Variants in EGFR observed in about 807,000 individuals in gnomAD.
EGFR encodes avian erythroblastic leukemia viral (v-erb-b) oncogene homolog.
A neutral mutation model predicts 143.0 loss-of-function variants in EGFR; 58 were observed. That is an observed-to-expected ratio of 0.41 (90% confidence interval 0.33 to 0.50). EGFR has a LOEUF of 0.50. Among genes scored for constraint, EGFR ranks in the 20% least tolerant of loss-of-function variants. EGFR has a pLI of 0.39. For synonymous variants in EGFR, 613 were observed against 594.4 expected (o/e 1.03, Z -0.45); for missense variants, 1,307 against 1,579.0 (o/e 0.83, Z 2.92).
At chr7:55,030,084 G>A (rs149935803) in intron 1 of EGFR, among the ~76,000 whole-genome samples, 66 of 152,282 alleles carry the variant, frequency 4.3e-4, no homozygotes, top group Non-Finnish European at 8.1e-4. Context: ...CAGGCTCAGA[G>A]CGATTCTGCT....
intron 1 of EGFR, among the ~76,000 whole-genome samples, chr7:55,135,704 A>C (rs935099389): frequency 6.6e-6 from 1 of 152,166 alleles, no homozygotes; most frequent in Non-Finnish European, 1.5e-5. Flanking sequence ...TCTAGTTTCC[A>C]TTATTACAAA....
At chr7:55,043,809 T>C (rs554447556) in intron 1 of EGFR, 1 of 152,332 alleles carries the variant, frequency 6.6e-6, no homozygotes, top group African/African-American at 2.4e-5. Context: ...TGCAGTCCTG[T>C]TCTTCATTCC....
intron 1 of EGFR, among the ~76,000 whole-genome samples, chr7:55,080,734 A>C (rs1790416518): frequency 6.6e-6 from 1 of 152,262 alleles, no homozygotes. Flanking sequence ...TAATACAGTC[A>C]TTAATTAGCT....
chr7:55,193,325 G>A lies in EGFR; in HGVS notation c.2701+484G>A, dbSNP rs942368312. Among the ~76,000 whole-genome samples, 10 of 152,124 alleles carry A rather than the reference G, an allele frequency of 6.6e-5. No individual in the cohort carries two copies. The East Asian group carries it at 7.7e-4, about 12-fold the overall frequency. On this transcript the variant is annotated intron_variant, in intron 22 of 27. Coordinates refer to ENST00000275493, the MANE Select transcript of EGFR (RefSeq NM_005228.5). Reference sequence around the variant, plus strand: ...ATGTCTGCAGGGATAAAAGAAGAAAGGGAGATGACCCTTGCTTCTCGCTCT... The same window carrying A: ...ATGTCTGCAGGGATAAAAGAAGAAAAGGAGATGACCCTTGCTTCTCGCTCT...
At chr7:55,025,687 C>G (rs1445429730) in intron 1 of EGFR, among the ~76,000 whole-genome samples, 1 of 152,178 alleles carries the variant, frequency 6.6e-6, no homozygotes, top group Admixed American at 6.5e-5. Context: ...AGAACAAGTT[C>G]TCCTCTCACA....
chr7:55,046,380 A>T (rs919383347), intron 1 of EGFR, among the ~76,000 whole-genome samples: 1 of 152,216 alleles, frequency 6.6e-6, no homozygotes, highest in Non-Finnish European at 1.5e-5. Context: ...TTATGTACAC[A>T]TAAACCTACT....
chr7:55,125,786 C>G (rs1191877209), intron 1 of EGFR, among the ~76,000 whole-genome samples: 2 of 152,210 alleles, frequency 1.3e-5, no homozygotes, highest in Non-Finnish European at 2.9e-5. Context: ...CACAGACACG[C>G]CCACTTCCAG....
At chr7:55,031,992 C>A (rs1390709160) in intron 1 of EGFR, among the ~76,000 whole-genome samples, 2 of 152,138 alleles carry the variant, frequency 1.3e-5, no homozygotes, top group African/African-American at 4.8e-5. Context: ...TGAGCACAGG[C>A]ATGTTGACTG....
intron 1 of EGFR, among the ~76,000 whole-genome samples, chr7:55,136,357 GC>G (rs1794140511): frequency 6.6e-6 from 1 of 152,110 alleles, no homozygotes; most frequent in African/African-American, 2.4e-5. Context: ...CCAGAAAGTG[GC>G]AAGGACTGTC....
At chr7:55,084,082 T>C (rs1790623151) in intron 1 of EGFR, among the ~76,000 whole-genome samples, 1 of 152,228 alleles carries the variant, frequency 6.6e-6, no homozygotes, top group African/African-American at 2.4e-5. Flanking sequence ...AGAGATTGGC[T>C]TACCATGATG....
chr7:55,080,040 C>T (rs1790374202), intron 1 of EGFR, among the ~76,000 whole-genome samples: 2 of 152,056 alleles, frequency 1.3e-5, no homozygotes, highest in Non-Finnish European at 2.9e-5. Context: ...TTTTATGGAT[C>T]ATACTTTTTG....
At chr7:55,157,495 G>A (rs1246858206) in intron 10 of EGFR, among the ~76,000 whole-genome samples, 168 bp from the exon 11 acceptor site, 3 of 152,180 alleles carry the variant, frequency 2.0e-5, no homozygotes, top group Non-Finnish European at 4.4e-5. Flanking sequence ...GCCTGCGTCC[G>A]CCCTGCGCAT....
At chr7:55,112,155 C>T (rs1254282668) in intron 1 of EGFR, among the ~76,000 whole-genome samples, 1 of 152,234 alleles carries the variant, frequency 6.6e-6, no homozygotes, top group African/African-American at 2.4e-5. Flanking sequence ...CAAACCGATA[C>T]CCAGCTTAGA....
intron 3 of EGFR, 27 bp downstream of exon 3, chr7:55,143,515 G>T (rs2128927652): frequency 2.5e-6 from 4 of 1,613,710 alleles, no homozygotes; most frequent in Non-Finnish European, 3.4e-6. Flanking sequence ...CCAAGGCTGG[G>T]GGTTCATAAA....
chr7:55,134,906 A>T (rs1794053209), intron 1 of EGFR, among the ~76,000 whole-genome samples: 1 of 152,172 alleles, frequency 6.6e-6, no homozygotes, highest in South Asian at 2.1e-4. Flanking sequence ...AAATTCGCCG[A>T]GCTGGCCCCA....
chr7:55,198,894 C>T (rs200728690), intron 23 of EGFR, 31 bp downstream of exon 23: 92 of 1,613,216 alleles, frequency 5.7e-5, no homozygotes, highest in Admixed American at 2.2e-4. Context: ...TCCACACTGC[C>T]TAGCTGAGCC....
chr7:55,174,876 T>C, intron 19 of EGFR, 56 bp downstream of exon 19: 1 of 1,395,638 alleles, frequency 7.2e-7, no homozygotes, highest in Non-Finnish European at 1.0e-6. Context: ...AGGCCCACCT[T>C]TTCTCATGTC....
At chr7:55,020,552 C>A (rs979874524) in intron 1 of EGFR, among the ~76,000 whole-genome samples, 1 of 110,652 alleles carries the variant, frequency 9.0e-6, no homozygotes, top group African/African-American at 3.4e-5. Context: ...AAATATTAAA[C>A]CTGTCTTACA....
At chr7:55,120,870 A>T (rs980228471) in intron 1 of EGFR, among the ~76,000 whole-genome samples, 6 of 152,242 alleles carry the variant, frequency 3.9e-5, no homozygotes, top group African/African-American at 1.4e-4. Flanking sequence ...TTTGATGGAA[A>T]TGAGTCCAAA....
Sources: allele counts gnomAD v4.1 joint callset (sites outside exome capture counted in the v4.1 genomes callset), GRCh38; gene constraint gnomAD v4.1.1; transcripts MANE v1.5; gene names NCBI Gene and HGNC (gene_info 2026-07-23, HGNC 2026-07-21).